The following ERC2 variants were observed in gnomAD, a reference collection of about 807,000 sequenced individuals.
ERC2 encodes the protein ELKS/RAB6-interacting/CAST family member 2, also known as ERC protein 2.
A neutral mutation model predicts 114.8 loss-of-function variants in ERC2; 42 were observed. The observed-to-expected ratio is 0.37, with a 90% CI of 0.29 to 0.47. The LOEUF (loss-of-function observed/expected upper bound fraction) is 0.47, where lower values mean the gene tolerates loss of function less well. Ranked by LOEUF, ERC2 falls within the 20% of genes least tolerant of loss-of-function variation. The probability of loss-of-function intolerance (pLI) is 0.99; values close to 1 mark genes in which losing one functional copy is unlikely to be tolerated. For synonymous variants in ERC2, 454 were observed against 425.5 expected (o/e 1.07, Z -0.82); for missense variants, 939 against 1,150.7 (o/e 0.82, Z 2.66).
intron 3 of ERC2, among the ~76,000 whole-genome samples, chr3:56,182,874 A>G (rs1032412813): frequency 8.5e-5 from 13 of 152,218 alleles, no homozygotes; most frequent in African/African-American, 2.9e-4. Flanking sequence ...GAATTTTATC[A>G]TAGTAGCAGT....
chr3:55,624,424 G>T (rs1426878354), intron 17 of ERC2, among the ~76,000 whole-genome samples: 2 of 152,176 alleles, frequency 1.3e-5, no homozygotes, highest in Non-Finnish European at 2.9e-5. Flanking sequence ...GGTGAACATG[G>T]CTGGGGCATG....
At chr3:55,865,611 C>T (rs2062273697) in intron 14 of ERC2, among the ~76,000 whole-genome samples, 1 of 152,006 alleles carries the variant, frequency 6.6e-6, no homozygotes, top group African/African-American at 2.4e-5. Flanking sequence ...TTACCAGTCA[C>T]CTCTCTCACT....
At chr3:56,154,855 T>C (rs944416639) in intron 4 of ERC2, among the ~76,000 whole-genome samples, 1 of 152,146 alleles carries the variant, frequency 6.6e-6, no homozygotes, top group African/African-American at 2.4e-5. Flanking sequence ...AAGTTGTCAT[T>C]ATTATCATAA....
At chr3:56,230,975 T>C (rs748653351) in intron 3 of ERC2, among the ~76,000 whole-genome samples, 1 of 152,238 alleles carries the variant, frequency 6.6e-6, no homozygotes, top group African/African-American at 2.4e-5. Flanking sequence ...GGGCAAAGTA[T>C]CATGACATGG....
At chr3:55,597,009 CT>C (rs1280170190) in intron 17 of ERC2, among the ~76,000 whole-genome samples, 1 of 152,172 alleles carries the variant, frequency 6.6e-6, no homozygotes, top group African/African-American at 2.4e-5. Context: ...AGAGAATTCT[CT>C]TCAAGTACAT....
chr3:55,729,949 G>T (rs2065155538), intron 15 of ERC2, among the ~76,000 whole-genome samples: 1 of 150,460 alleles, frequency 6.6e-6, no homozygotes, highest in Non-Finnish European at 1.5e-5. Context: ...AGAGCAGGCA[G>T]TCAATGAATA....
chr3:55,524,262 C>A (rs2053158704), intron 17 of ERC2, among the ~76,000 whole-genome samples: 1 of 152,124 alleles, frequency 6.6e-6, no homozygotes, highest in Admixed American at 6.5e-5. Flanking sequence ...GGTGTTCATG[C>A]CCAGGTTATG....
chr3:56,283,869 T>C (rs1183739028), intron 3 of ERC2, among the ~76,000 whole-genome samples: 1 of 152,234 alleles, frequency 6.6e-6, no homozygotes, highest in Non-Finnish European at 1.5e-5. Context: ...TCTCCTTAAA[T>C]AGGTTTCTGA....
intron 17 of ERC2, among the ~76,000 whole-genome samples, chr3:55,618,368 A>G (rs954417925): frequency 2.0e-5 from 3 of 152,226 alleles, no homozygotes; most frequent in Non-Finnish European, 4.4e-5. Flanking sequence ...CTTCCCTTTT[A>G]GGAATTTATT....
At chr3:55,921,190 G>A (rs2065407503) in intron 13 of ERC2, among the ~76,000 whole-genome samples, 1 of 152,084 alleles carries the variant, frequency 6.6e-6, no homozygotes, top group African/African-American at 2.4e-5. Context: ...GAATCAGTGT[G>A]AACCTTAATT....
intron 3 of ERC2, among the ~76,000 whole-genome samples, chr3:56,251,261 T>C (rs1466388536): frequency 6.6e-6 from 1 of 152,180 alleles, no homozygotes; most frequent in African/African-American, 2.4e-5. Context: ...GGCTAAACTC[T>C]GTAAAATGCA....
chr3:55,559,538 CAT>C (rs1355850147), intron 17 of ERC2, among the ~76,000 whole-genome samples: 1 of 152,250 alleles, frequency 6.6e-6, no homozygotes, highest in Non-Finnish European at 1.5e-5. Context: ...TCAGACAACA[CAT>C]GTGTCCCCAA....
intron 14 of ERC2, among the ~76,000 whole-genome samples, chr3:55,841,026 T>C (rs1329672476): frequency 6.6e-6 from 1 of 152,214 alleles, no homozygotes; most frequent in African/African-American, 2.4e-5. Context: ...GTAATGGATA[T>C]GTTCATTAAC....
At chr3:55,713,125 T>A (rs1266351885) in intron 15 of ERC2, among the ~76,000 whole-genome samples, 1,688 of 108,718 alleles carry the variant, frequency 0.016, 14 homozygotes, top group African/African-American at 0.035. Flanking sequence ...TCTCTCTCTC[T>A]CTGTCTCACA....
At chr3:55,733,096 C>T (rs1346246592) in intron 15 of ERC2, among the ~76,000 whole-genome samples, 1 of 152,060 alleles carries the variant, frequency 6.6e-6, no homozygotes, top group Non-Finnish European at 1.5e-5. Context: ...AGCTCAAGGG[C>T]TGTTTCTTAG....
intron 3 of ERC2, among the ~76,000 whole-genome samples, chr3:56,242,137 C>G (rs1450589463): frequency 1.3e-5 from 2 of 152,160 alleles, no homozygotes; most frequent in African/African-American, 4.8e-5. Context: ...GAATACTACT[C>G]AGCCATAAAA....
In ERC2 at chr3:56,065,304, C is replaced by T. The variant is rs185968858; in HGVS notation, c.1641+15513G>A. On this transcript the variant is annotated intron_variant, in intron 7 of 17. Transcript: ENST00000288221. ...GTGTCATGATCATGGCTCACTGCAG[C>T]CTCAACCTCCCGGACTCAAGCAATC... Among the ~76,000 whole-genome samples the T allele has an allele frequency of 5.1e-3, 782 of 151,948 alleles. 5 individuals carry two copies. The highest frequency in any genetic ancestry group is 0.017 in the African/African-American group (724 of 41,406).
At chr3:55,594,775 C>T (rs574594520) in intron 17 of ERC2, among the ~76,000 whole-genome samples, 6 of 152,252 alleles carry the variant, frequency 3.9e-5, no homozygotes, top group African/African-American at 1.4e-4. Flanking sequence ...TGAGCCACTG[C>T]GCCTGGCCAG....
At chr3:55,871,581 C>T (rs1336840579) in intron 14 of ERC2, among the ~76,000 whole-genome samples, 4 of 152,168 alleles carry the variant, frequency 2.6e-5, no homozygotes, top group African/African-American at 7.2e-5. Context: ...AGGCACCATT[C>T]GGCCAAGAAG....
Sources: allele counts gnomAD v4.1 joint callset (sites outside exome capture counted in the v4.1 genomes callset), GRCh38; gene constraint gnomAD v4.1.1; transcripts MANE v1.5; gene names NCBI Gene and HGNC (gene_info 2026-07-23, HGNC 2026-07-21).